MTFR1: variants seen among roughly 807,000 people sequenced by gnomAD.
The protein encoded by MTFR1 is mitochondrial fission regulator 1.
A neutral mutation model predicts 38.8 loss-of-function variants in MTFR1; 28 were observed. The observed-to-expected ratio is 0.72, with a 90% CI of 0.53 to 0.99. The LOEUF is 0.99. MTFR1 is among the 50% of genes least tolerant of loss of function. The pLI is 0.00. For synonymous variants in MTFR1, 145 were observed against 137.0 expected, an observed-to-expected ratio of 1.06 and a Z score of -0.41; for missense variants, 358 against 395.5, an observed-to-expected ratio of 0.91 and a Z score of 0.81.
chr8:65,707,401 A>G, intron 6 of MTFR1, 145 bp downstream of exon 6: 1 of 777,260 alleles, frequency 1.3e-6, no homozygotes, highest in Non-Finnish European at 2.0e-6. Context: ...TGGCTTCTAT[A>G]CACAGTAGCT....
At chr8:65,644,144 C>G (rs907514191), upstream of MTFR1, among the ~76,000 whole-genome samples, 33 of 152,238 alleles carry the variant, frequency 2.2e-4, no homozygotes, top group Non-Finnish European at 1.9e-4. Context: ...ATTTGAAATC[C>G]AGAGTGTCCT....
intron 2 of MTFR1, among the ~76,000 whole-genome samples, chr8:65,681,524 T>C (rs558182827): frequency 1.3e-5 from 2 of 152,348 alleles, no homozygotes; most frequent in Admixed American, 6.5e-5. Flanking sequence ...CTTTCTTTAC[T>C]TATTCTGTCC....
chr8:65,701,117 A>G (rs1805602907), intron 4 of MTFR1, among the ~76,000 whole-genome samples: 1 of 151,996 alleles, frequency 6.6e-6, no homozygotes, highest in South Asian at 2.1e-4. Context: ...ATCTACCCCC[A>G]CCTTTTAAAA....
chr8:65,755,207 G>C (rs768339842), intron 3 of MTFR1, among the ~76,000 whole-genome samples: 31 of 151,774 alleles, frequency 2.0e-4, no homozygotes, highest in Middle Eastern at 3.2e-3. Flanking sequence ...CTTTAGTAGA[G>C]ATGGGTTTTC....
chr8:65,765,343 G>C (rs1214877948), intron 3 of MTFR1, among the ~76,000 whole-genome samples: 2 of 150,714 alleles, frequency 1.3e-5, no homozygotes, highest in Non-Finnish European at 3.0e-5. Flanking sequence ...CAAAAAATTA[G>C]CCGGGCGTAG....
At chr8:65,654,415 T>C (rs1431519263) in intron 1 of MTFR1, among the ~76,000 whole-genome samples, 1 of 152,230 alleles carries the variant, frequency 6.6e-6, no homozygotes, top group Non-Finnish European at 1.5e-5. Flanking sequence ...ATTTATTGAA[T>C]TAATTTTAAC....
chr8:65,656,171 G>A (rs1463200331), intron 1 of MTFR1, among the ~76,000 whole-genome samples: 2 of 148,860 alleles, frequency 1.3e-5, no homozygotes, highest in Non-Finnish European at 3.0e-5. Context: ...TCTCCAGCCC[G>A]GGCAACAAGA....
At position 65,751,964 on chromosome 8, in the gene MTFR1, G is replaced by A. The variant is rs1807990454; in HGVS notation, c.*49-18983G>A. The stretch of plus-strand genomic sequence containing the variant: ...CCCTGTTCTTTTATAAGGCTGTAAA[G>A]TATTCTATCATACAGATGAATCATA... On this transcript the variant is annotated intron_variant, in intron 3 of 3. Coordinates refer to the MTFR1 transcript ENST00000521247. Among the ~76,000 whole-genome samples, 3 of 152,116 alleles carry A rather than the reference G, an allele frequency of 2.0e-5. No individual in the cohort carries two copies. The South Asian group carries it at 6.2e-4, about 32-fold the overall frequency.
chr8:65,692,832 C>T (rs1805320877), intron 3 of MTFR1, among the ~76,000 whole-genome samples: 1 of 151,090 alleles, frequency 6.6e-6, no homozygotes, highest in African/African-American at 2.4e-5. Context: ...AACAAAACAG[C>T]TATATAATAG....
chr8:65,723,950 T>G (rs1806500047), intron 3 of MTFR1, among the ~76,000 whole-genome samples: 1 of 152,208 alleles, frequency 6.6e-6, no homozygotes, highest in Admixed American at 6.5e-5. Flanking sequence ...CATGTTCATA[T>G]GGCCCTCCAC....
rs1375958901 is a variant in MTFR1 at position 65,709,967 on chromosome 8, A to G, written c.*923A>G. 6.6e-6 allele frequency: 1 copy of G among 152,508 alleles called. No individual in the cohort carries two copies. Among genetic ancestry groups the G allele is most frequent in the Non-Finnish European group, 1.5e-5 (1 of 68,018 alleles). 9.4% of individuals were successfully genotyped at this position (152,508 alleles called of 1,614,324 possible). A position where few individuals can be genotyped will look rare whatever the true frequency, so the allele number is the denominator to read the frequency against. ...GCAAATGAATTTCCTATAAATTATC[A>G]TTGGTCAGAATGCTGTTTTGTTTAA... On this transcript the variant is annotated 3_prime_UTR_variant, in exon 8 of 8. Transcript: ENST00000262146.
At chr8:65,689,640 G>A (rs903422719) in intron 3 of MTFR1, 16 of 1,230,458 alleles carry the variant, frequency 1.3e-5, no homozygotes, top group South Asian at 1.1e-4. Context: ...CATGCATGTC[G>A]TGGTGTCTAA....
intron 3 of MTFR1, among the ~76,000 whole-genome samples, chr8:65,743,695 C>T (rs959146611): frequency 2.0e-5 from 3 of 152,198 alleles, no homozygotes; most frequent in Non-Finnish European, 4.4e-5. Context: ...ACATATTTGG[C>T]ATCCTTATCA....
At chr8:65,761,992 G>C (rs1035799047) in intron 3 of MTFR1, among the ~76,000 whole-genome samples, 1 of 152,164 alleles carries the variant, frequency 6.6e-6, no homozygotes, top group African/African-American at 2.4e-5. Context: ...TGGCTCTTGA[G>C]ACCCGACCAC....
chr8:65,745,489 A>G, intron 3 of MTFR1: 3 of 1,369,112 alleles, frequency 2.2e-6, no homozygotes, highest in East Asian at 2.3e-5. Context: ...AAAACCAAAC[A>G]TTTCTACTGT....
chr8:65,686,337 C>T lies in MTFR1; in HGVS notation c.165+3886C>T, dbSNP rs539362842. On this transcript the variant is annotated intron_variant, in intron 3 of 7. Transcript: ENST00000262146. ...CTGTAATCCCAGCACTTTGGGAGGC[C>T]AATGCGGGTGGATCACCTGAGGTCA... Among the ~76,000 whole-genome samples the T allele has an allele frequency of 4.6e-5, 7 of 151,564 alleles. No individual in the cohort carries two copies. In the East Asian group the frequency reaches 1.4e-3, roughly 30 times the overall value.
intron 3 of MTFR1, among the ~76,000 whole-genome samples, chr8:65,735,824 C>T (rs950965113): frequency 2.0e-5 from 3 of 152,084 alleles, no homozygotes; most frequent in Non-Finnish European, 2.9e-5. Flanking sequence ...GGGGTTTCAC[C>T]ATGTTGGCCA....
intron 3 of MTFR1, chr8:65,747,687 T>C: frequency 6.2e-7 from 1 of 1,611,368 alleles, no homozygotes; most frequent in Non-Finnish European, 8.5e-7. Context: ...TCTAAAATGT[T>C]TAGGGAATTT....
intron 1 of MTFR1, among the ~76,000 whole-genome samples, chr8:65,652,152 T>G (rs1809140035): frequency 1.3e-5 from 2 of 151,870 alleles, no homozygotes; most frequent in South Asian, 4.1e-4. Flanking sequence ...CGGGCTGGAG[T>G]CTGGGGTGCA....
Sources: allele counts gnomAD v4.1 joint callset (sites outside exome capture counted in the v4.1 genomes callset), GRCh38; gene constraint gnomAD v4.1.1; transcripts MANE v1.5; gene names NCBI Gene and HGNC (gene_info 2026-07-23, HGNC 2026-07-21).